Variants in SDK2 observed in about 807,000 individuals in gnomAD.
The protein encoded by SDK2 is sidekick cell adhesion molecule 2, also known as protein sidekick-2.
In SDK2, 105 loss-of-function variants were observed where a neutral mutation model predicts 253.9. That is an observed-to-expected ratio of 0.41 (90% CI 0.35 to 0.49). The LOEUF (loss-of-function observed/expected upper bound fraction) is 0.49, where lower values mean the gene tolerates loss of function less well. Among genes scored for constraint, SDK2 ranks in the 20% least tolerant of loss-of-function variants. The probability of loss-of-function intolerance (pLI) is 0.06; values close to 1 mark genes in which losing one functional copy is unlikely to be tolerated. For synonymous variants in SDK2, 1,249 were observed against 1,234.9 expected, an observed-to-expected ratio of 1.01 and a Z score of -0.24; for missense variants, 2,608 against 3,003.0, an observed-to-expected ratio of 0.87 and a Z score of 3.07.
chr17:73,428,369 G>GT (rs912622120), intron 12 of SDK2, among the ~76,000 whole-genome samples: 1 of 152,034 alleles, frequency 6.6e-6, no homozygotes, highest in Admixed American at 6.6e-5. Flanking sequence ...TGGCCAGAGT[G>GT]TTTTTTTCTA....
intron 6 of SDK2, 53 bp downstream of exon 6, chr17:73,440,759 G>T: frequency 7.5e-7 from 1 of 1,338,298 alleles, no homozygotes; most frequent in Non-Finnish European, 1.0e-6. Context: ...CCGCAGTTTG[G>T]GAGCAGCAGC....
intron 1 of SDK2, among the ~76,000 whole-genome samples, chr17:73,557,114 G>A (rs981985379): frequency 6.6e-6 from 1 of 152,178 alleles, no homozygotes; most frequent in Non-Finnish European, 1.5e-5. Context: ...CAATTTCTCT[G>A]GGCTTTGGCC....
At chr17:73,433,633 G>A in intron 10 of SDK2, 99 bp downstream of exon 10, 3 of 830,764 alleles carry the variant, frequency 3.6e-6, no homozygotes, top group Non-Finnish European at 6.0e-6. Context: ...CTTCACAAGT[G>A]TACGTGGGGA....
intron 31 of SDK2, 115 bp from the exon 32 acceptor site, chr17:73,386,032 G>A (rs921749468): frequency 2.0e-5 from 14 of 686,996 alleles, no homozygotes; most frequent in Non-Finnish European, 3.0e-5. Flanking sequence ...AGATCGCATC[G>A]CCCTCCATGC....
intron 2 of SDK2, among the ~76,000 whole-genome samples, chr17:73,489,999 T>G (rs538916610): frequency 3.5e-4 from 54 of 152,296 alleles, no homozygotes; most frequent in African/African-American, 1.2e-3. Flanking sequence ...TTTACCATCA[T>G]GAGAACCTGC....
At chr17:73,453,540 G>C (rs1004138121) in intron 4 of SDK2, among the ~76,000 whole-genome samples, 8 of 152,058 alleles carry the variant, frequency 5.3e-5, no homozygotes, top group African/African-American at 1.9e-4. Context: ...ACCATCCCTG[G>C]CTAATTTTGT....
intron 36 of SDK2, among the ~76,000 whole-genome samples, chr17:73,374,520 T>C: frequency 7.0e-6 from 1 of 142,318 alleles, no homozygotes; most frequent in Non-Finnish European, 1.5e-5. Context: ...CAGGCTGGAG[T>C]ACAGTGGCGT....
At chr17:73,561,731 C>A (rs59706857) in intron 1 of SDK2, among the ~76,000 whole-genome samples, 2,796 of 152,316 alleles carry the variant, frequency 0.018, 100 homozygotes, top group African/African-American at 0.064. Context: ...TGAGTCTCTG[C>A]TCTCAAGGAC....
rs922200677 is a variant in SDK2 at position 73,643,512 on chromosome 17, C to T, written c.64+513G>A. Among the ~76,000 whole-genome samples, 1 of 152,136 alleles carries T rather than the reference C, an allele frequency of 6.6e-6. No individual in the cohort carries two copies. The highest frequency in any genetic ancestry group is 1.5e-5 in the Non-Finnish European group (1 of 68,010). On this transcript the variant is annotated intron_variant, in intron 1 of 44. Transcript: ENST00000392650. This position sits in a 1 kb window ranked among gnomAD's most constrained non-coding sequence, Gnocchi z 6.9. ...GGCGGGCTCCCGTACGTGGCCAAGC[C>T]GGGCAATTGCTCTCCCCGGGCGAGC...
intron 1 of SDK2, among the ~76,000 whole-genome samples, chr17:73,556,435 C>T (rs921941834): frequency 2.6e-5 from 4 of 152,130 alleles, no homozygotes; most frequent in East Asian, 1.9e-4. Flanking sequence ...TGGCTTCCTC[C>T]GAAGAGCCAG....
chr17:73,430,093 G>C (rs1316300374), intron 12 of SDK2, among the ~76,000 whole-genome samples: 1 of 152,182 alleles, frequency 6.6e-6, no homozygotes, highest in Admixed American at 6.5e-5. Context: ...AGACCCCTCT[G>C]CTGCCCATTC....
rs148179574 is a variant in SDK2 at position 73,414,689 on chromosome 17, G to A, written c.2439C>T (p.Asn813=). 5.5e-5 allele frequency: 89 copies of A among 1,613,854 alleles called. No individual in the cohort carries two copies. Among genetic ancestry groups the A allele is most frequent in the Middle Eastern group, 1.6e-4 (1 of 6,082 alleles). The part of the protein sequence containing the change: ...TNSTTIRFTW[N]APSPQFINGI... ...CGTTGATGAACTGGGGGCTGGGGGC[G>A]TTCCAGGTGAAGCGGATGGTCGTGG... The change falls in exon 18 of 45, where the codon AAC becomes AAT. Residue 813 remains asparagine (N), a synonymous_variant. Coordinates refer to ENST00000392650, the MANE Select transcript of SDK2 (RefSeq NM_001144952.2).
In SDK2 at chr17:73,352,518, C is replaced by T. The variant is rs772978916; in HGVS notation, c.5713G>A (p.Asp1905Asn). Residue 1905 changes from aspartate to asparagine, a missense_variant, in exon 41 of 45, where the codon GAC (aspartate) becomes AAC (asparagine). Physicochemically the swap from Asp to Asn is conservative, Grantham distance 23 (BLOSUM62 1). Coordinates refer to ENST00000392650, the MANE Select transcript of SDK2 (RefSeq NM_001144952.2). This position sits in a 1 kb window ranked among gnomAD's most constrained non-coding sequence, Gnocchi z 4.1. ...SYDFRVIAVN[D>N]YGFGTPSSPS... ...CTGCTGGGGGTGCCGAAACCATAGT[C>T]GTTGACCGCGATGACCCGGAAGTCA... The T allele has an allele frequency of 1.9e-6, 3 of 1,613,824 alleles. No individual in the cohort carries two copies. Among genetic ancestry groups the T allele is most frequent in the African/African-American group, 1.3e-5 (1 of 74,930 alleles).
At position 73,627,924 on chromosome 17, in the gene SDK2, C is replaced by T. The variant is rs181234096; in HGVS notation, c.64+16101G>A. ...AAAATTAGCCAGGCGTGGTGGTGGG[C>T]GCCTGTAGTCCCAGCTACTCGGGAG... is the stretch of plus-strand genomic sequence containing the variant. On this transcript the variant is annotated intron_variant, in intron 1 of 44. Transcript: ENST00000392650. Among the ~76,000 whole-genome samples, 1,296 of 152,200 alleles carry T rather than the reference C, an allele frequency of 8.5e-3. 16 individuals are homozygous for T. The highest frequency in any genetic ancestry group is 0.03 in the African/African-American group (1,227 of 41,544).
intron 2 of SDK2, among the ~76,000 whole-genome samples, chr17:73,483,964 C>G (rs887190131): frequency 4.6e-5 from 7 of 151,698 alleles, no homozygotes; most frequent in Non-Finnish European, 8.8e-5. Flanking sequence ...AAAAGAAATG[C>G]TGAGATTTGA....
chr17:73,469,721 G>A (rs968038302), intron 3 of SDK2, among the ~76,000 whole-genome samples: 1 of 152,098 alleles, frequency 6.6e-6, no homozygotes, highest in Non-Finnish European at 1.5e-5. Flanking sequence ...CCTAAGGAGG[G>A]GGATCAAGGA....
At chr17:73,391,957 C>T (rs986353691) in intron 27 of SDK2, among the ~76,000 whole-genome samples, 2 of 23,420 alleles carry the variant, frequency 8.5e-5, no homozygotes, top group Admixed American at 6.4e-4. Flanking sequence ...TGCACCACTC[C>T]TCTCTCTCTC....
chr17:73,340,741 T>TTTTG lies in SDK2; in HGVS notation c.6166-1802_6166-1801insCAAA, dbSNP rs1406567326. Among the ~76,000 whole-genome samples the TTTTG allele has an allele frequency of 7.0e-4, 89 of 126,978 alleles. 3 individuals are homozygous for TTTTG. Among genetic ancestry groups the TTTTG allele is most frequent in the Non-Finnish European group, 1.3e-3 (78 of 57,846 alleles). The allele number at this position is 126,978 out of a possible 152,430, so 83.3% of individuals were successfully genotyped here. On this transcript the variant is annotated intron_variant, in intron 44 of 44. Coordinates refer to ENST00000392650, the MANE Select transcript of SDK2 (RefSeq NM_001144952.2). ...TGTAATGAAAACCTTAAAGTTTTTT[T>TTTTG]TTTTTTTTTTTTTTTTTTTGAGATG...
At chr17:73,579,016 G>A (rs1471642795) in intron 1 of SDK2, among the ~76,000 whole-genome samples, 5 of 152,096 alleles carry the variant, frequency 3.3e-5, no homozygotes, top group African/African-American at 4.8e-5. Context: ...CTTGTCGGCC[G>A]GGTCAGGGAC....
Sources: allele counts gnomAD v4.1 joint callset (sites outside exome capture counted in the v4.1 genomes callset), GRCh38; gene constraint gnomAD v4.1.1; non-coding constraint Gnocchi (gnomAD v3.1); transcripts MANE v1.5; gene names NCBI Gene and HGNC (gene_info 2026-07-23, HGNC 2026-07-21).